Variants in DLG2 observed in about 807,000 individuals in gnomAD.
DLG2 encodes the protein disks large homolog 2.
In DLG2, 45 loss-of-function variants were observed where a neutral mutation model predicts 132.5. The ratio of observed to expected loss-of-function variants is 0.34; its 90% CI spans 0.27 to 0.44. DLG2 has a LOEUF of 0.44. DLG2 is among the 20% of genes least tolerant of loss of function. The pLI is 1.00. For missense variants in DLG2, 1,045 were observed against 1,196.9 expected (o/e 0.87, Z 1.87); for synonymous variants, 424 against 419.6 (o/e 1.01, Z -0.13).
intron 6 of DLG2, among the ~76,000 whole-genome samples, chr11:84,584,052 T>C (rs887016591): frequency 5.3e-5 from 8 of 152,176 alleles, no homozygotes; most frequent in Non-Finnish European, 1.2e-4. Flanking sequence ...AATTTCTCTA[T>C]GGTATATATA....
chr11:85,492,189 T>G (rs2093575719), intron 3 of DLG2, among the ~76,000 whole-genome samples: 1 of 152,190 alleles, frequency 6.6e-6, no homozygotes, highest in Non-Finnish European at 1.5e-5. Flanking sequence ...ATGCCACATA[T>G]GCATATTTCA....
chr11:83,711,254 A>G (rs1184739565), intron 18 of DLG2, among the ~76,000 whole-genome samples: 1 of 152,230 alleles, frequency 6.6e-6, no homozygotes, highest in African/African-American at 2.4e-5. Context: ...GGACAATCAC[A>G]TGGGATAGGG....
chr11:83,990,633 T>A (rs1448177214), intron 11 of DLG2, among the ~76,000 whole-genome samples: 1 of 152,190 alleles, frequency 6.6e-6, no homozygotes, highest in Non-Finnish European at 1.5e-5. Flanking sequence ...GATTACAATG[T>A]ACCCGAATAT....
chr11:85,488,387 T>C (rs1565571204), intron 3 of DLG2, among the ~76,000 whole-genome samples: 1 of 139,136 alleles, frequency 7.2e-6, no homozygotes, highest in Non-Finnish European at 1.6e-5. Context: ...AGACTGCGTC[T>C]AAAAAAAAAA....
At chr11:83,854,706 A>C (rs1414126325) in intron 16 of DLG2, among the ~76,000 whole-genome samples, 1 of 152,200 alleles carries the variant, frequency 6.6e-6, no homozygotes, top group Non-Finnish European at 1.5e-5. Flanking sequence ...GTTTGGATAC[A>C]ACACCAAAGG....
At chr11:83,972,696 T>C (rs908534920) in intron 12 of DLG2, among the ~76,000 whole-genome samples, 19 of 152,138 alleles carry the variant, frequency 1.2e-4, no homozygotes, top group Non-Finnish European at 4.4e-5. Flanking sequence ...AATTCCCTAT[T>C]TTATAGAAAG....
chr11:85,612,071 TAGA>T (rs1313159419), intron 2 of DLG2, among the ~76,000 whole-genome samples: 5 of 151,886 alleles, frequency 3.3e-5, no homozygotes, highest in Non-Finnish European at 7.4e-5. Context: ...CAGAAAGAAA[TAGA>T]AGTAGTAAAG....
At chr11:84,126,272 G>A (rs1166677809) in intron 9 of DLG2, among the ~76,000 whole-genome samples, 1 of 152,104 alleles carries the variant, frequency 6.6e-6, no homozygotes, top group Non-Finnish European at 1.5e-5. Flanking sequence ...TTATGTTAGC[G>A]AAGAACTGAA....
chr11:84,204,851 GCCA>G (rs1566923567), intron 8 of DLG2, among the ~76,000 whole-genome samples: 3 of 152,018 alleles, frequency 2.0e-5, no homozygotes. Context: ...ATAGGCTCCC[GCCA>G]CCACACTTGG....
chr11:83,633,004 A>C (rs932948178), intron 19 of DLG2: 4 of 529,034 alleles, frequency 7.6e-6, no homozygotes, highest in Non-Finnish European at 1.3e-5. Flanking sequence ...CCAAAGAATA[A>C]CTTGATAAAA....
rs1555372680 is a variant in DLG2 at position 83,743,449 on chromosome 11, T to TTTTTTTTTTTA, written c.1825+43240_1825+43241insTAAAAAAAAAA. ...AGGCCATTTTTTTTTTTTTTTTTTT[T>TTTTTTTTTTTA]ATGACAGGGTCTCACTTTGTCACCC... On this transcript the variant is annotated intron_variant, in intron 18 of 27. Coordinates refer to ENST00000376104, the MANE Select transcript of DLG2 (RefSeq NM_001142699.3). Among the ~76,000 whole-genome samples the TTTTTTTTTTTA allele has an allele frequency of 1.1e-3, 133 of 124,080 alleles. 10 individuals are homozygous for TTTTTTTTTTTA. Among genetic ancestry groups the TTTTTTTTTTTA allele is most frequent in the African/African-American group, 3.1e-3 (75 of 24,110 alleles). The allele number at this position is 124,080 out of a possible 152,430, so 81.4% of individuals were successfully genotyped here.
chr11:83,991,140 C>A (rs1002387654), intron 11 of DLG2, among the ~76,000 whole-genome samples: 6 of 152,180 alleles, frequency 3.9e-5, no homozygotes, highest in African/African-American at 1.4e-4. Flanking sequence ...ACACTGGCGA[C>A]TGCCAATATG....
chr11:85,239,372 GT>G (rs1222238408), intron 4 of DLG2, among the ~76,000 whole-genome samples: 1 of 151,918 alleles, frequency 6.6e-6, no homozygotes, highest in East Asian at 1.9e-4. Context: ...ATACATTTTA[GT>G]TTTTTATAAA....
At chr11:84,555,923 T>C (rs1457405018) in intron 6 of DLG2, among the ~76,000 whole-genome samples, 1 of 152,196 alleles carries the variant, frequency 6.6e-6, no homozygotes, top group African/African-American at 2.4e-5. Context: ...AGAGAACCTG[T>C]GCTGGTGCCT....
In DLG2 at chr11:85,355,832, T is replaced by C. The variant is rs565173879; in HGVS notation, c.41-70467A>G. 3.9e-5 allele frequency among the ~76,000 whole-genome samples: 6 copies of C among 152,260 alleles called. No homozygotes were observed. The South Asian group carries it at 1.0e-3, about 26-fold the overall frequency. On this transcript the variant is annotated intron_variant, in intron 3 of 27. Transcript: ENST00000376104. ...GCTATCCAAGACTAAGAGTTTAATC[T>C]CCAAGTCGAATCACCCTTGGGTTTC...
At chr11:83,956,305 G>A (rs1174171064) in intron 14 of DLG2, among the ~76,000 whole-genome samples, 3 of 152,196 alleles carry the variant, frequency 2.0e-5, no homozygotes, top group South Asian at 4.1e-4. Context: ...CACCACCAGA[G>A]GAGGGCAGCC....
At chr11:85,036,383 T>C (rs1465056796) in intron 6 of DLG2, among the ~76,000 whole-genome samples, 1 of 152,208 alleles carries the variant, frequency 6.6e-6, no homozygotes, top group East Asian at 1.9e-4. Flanking sequence ...CGGGATTTCA[T>C]CTGTCTGTTC....
chr11:85,194,418 C>T (rs1041503156), intron 4 of DLG2, among the ~76,000 whole-genome samples: 1 of 151,944 alleles, frequency 6.6e-6, no homozygotes, highest in Admixed American at 6.6e-5. Flanking sequence ...TTGTTTTGGT[C>T]CCTCTTTGTA....
intron 3 of DLG2, among the ~76,000 whole-genome samples, chr11:85,373,255 C>T (rs1351862559): frequency 6.6e-6 from 1 of 152,134 alleles, no homozygotes; most frequent in Non-Finnish European, 1.5e-5. Context: ...TTAACCCTCC[C>T]CTTGTTTCAT....
Sources: allele counts gnomAD v4.1 joint callset (sites outside exome capture counted in the v4.1 genomes callset), GRCh38; gene constraint gnomAD v4.1.1; transcripts MANE v1.5; gene names NCBI Gene and HGNC (gene_info 2026-07-23, HGNC 2026-07-21).